Variants in CNTNAP2 observed in about 807,000 individuals in gnomAD.
CNTNAP2 encodes the protein contactin-associated protein-like 2.
Under a neutral mutation model 155.2 loss-of-function variants are expected in CNTNAP2, and 98 were observed. The ratio of observed to expected loss-of-function variants is 0.63; its 90% confidence interval spans 0.54 to 0.75. The LOEUF is 0.75. Ranked by LOEUF, CNTNAP2 falls within the 30% of genes least tolerant of loss-of-function variation. The probability of loss-of-function intolerance (pLI) is 0.00; values close to 1 mark genes in which losing one functional copy is unlikely to be tolerated. For missense variants in CNTNAP2, 1,727 were observed against 1,688.1 expected (o/e 1.02, Z -0.40); for synonymous variants, 651 against 631.2 (o/e 1.03, Z -0.47).
At chr7:148,115,067 G>A (rs1174761765) in intron 15 of CNTNAP2, among the ~76,000 whole-genome samples, 1 of 152,116 alleles carries the variant, frequency 6.6e-6, no homozygotes, top group Non-Finnish European at 1.5e-5. Flanking sequence ...CAGGATAGTG[G>A]GAAAAACCAT....
At chr7:146,427,482 T>C (rs2888335) in intron 1 of CNTNAP2, among the ~76,000 whole-genome samples, 59,017 of 152,050 alleles carry the variant, frequency 0.39, 13,059 homozygotes, top group African/African-American at 0.6. Context: ...TTATTCTTCT[T>C]TTGATTTTTC....
At chr7:148,067,315 C>A (rs1803285958) in intron 15 of CNTNAP2, among the ~76,000 whole-genome samples, 1 of 152,194 alleles carries the variant, frequency 6.6e-6, no homozygotes, top group African/African-American at 2.4e-5. Context: ...TGCTCTCCCC[C>A]TTTCCCTAGG....
At chr7:146,968,952 C>G (rs1423048689) in intron 3 of CNTNAP2, among the ~76,000 whole-genome samples, 1 of 147,746 alleles carries the variant, frequency 6.8e-6, no homozygotes, top group African/African-American at 2.6e-5. Context: ...GCATTTAGTG[C>G]TATAAATTTC....
At chr7:147,549,439 C>T (rs1799807999) in intron 11 of CNTNAP2, among the ~76,000 whole-genome samples, 1 of 152,084 alleles carries the variant, frequency 6.6e-6, no homozygotes, top group African/African-American at 2.4e-5. Flanking sequence ...GTGATTTTTG[C>T]ACATTGATTT....
intron 13 of CNTNAP2, among the ~76,000 whole-genome samples, chr7:147,687,286 A>C (rs1418396202): frequency 6.6e-6 from 1 of 152,152 alleles, no homozygotes; most frequent in East Asian, 1.9e-4. Flanking sequence ...TATAGTATAC[A>C]AATGGGTGCA....
chr7:147,571,510 A>T (rs1024474396), intron 12 of CNTNAP2, among the ~76,000 whole-genome samples: 3 of 151,848 alleles, frequency 2.0e-5, no homozygotes, highest in Admixed American at 6.6e-5. Context: ...TATCCCCAAC[A>T]TCTAGTTAAT....
At chr7:148,410,764 G>A (rs1488112782) in intron 23 of CNTNAP2, among the ~76,000 whole-genome samples, 12 of 152,028 alleles carry the variant, frequency 7.9e-5, no homozygotes, top group Admixed American at 5.2e-4. Flanking sequence ...AGAAAAACAC[G>A]TAACAGAGAT....
chr7:146,913,977 T>A (rs1796342287), intron 3 of CNTNAP2, among the ~76,000 whole-genome samples: 1 of 152,006 alleles, frequency 6.6e-6, no homozygotes, highest in Non-Finnish European at 1.5e-5. Context: ...ACAGCTTAGC[T>A]CCCACTTATG....
intron 12 of CNTNAP2, among the ~76,000 whole-genome samples, chr7:147,611,787 C>A (rs1801191326): frequency 6.6e-6 from 1 of 152,142 alleles, no homozygotes; most frequent in Non-Finnish European, 1.5e-5. Context: ...CTGATGCTAC[C>A]TGAACTGCAT....
At chr7:146,172,221 G>A (rs1329513820) in intron 1 of CNTNAP2, among the ~76,000 whole-genome samples, 1 of 151,858 alleles carries the variant, frequency 6.6e-6, no homozygotes, top group Non-Finnish European at 1.5e-5. Context: ...GCTCAAGGCT[G>A]GGATAGGATG....
chr7:147,698,127 C>T (rs1168946329), intron 13 of CNTNAP2, among the ~76,000 whole-genome samples: 2 of 152,016 alleles, frequency 1.3e-5, no homozygotes, highest in African/African-American at 4.8e-5. Flanking sequence ...CCAATGTTGC[C>T]CTGTGGTTTG....
chr7:148,384,149 A>G (rs1799136625), intron 22 of CNTNAP2, among the ~76,000 whole-genome samples: 1 of 152,238 alleles, frequency 6.6e-6, no homozygotes, highest in Non-Finnish European at 1.5e-5. Context: ...TGACTTGCCT[A>G]AACTGATGTC....
chr7:147,870,878 C>T (rs1799315758), intron 13 of CNTNAP2, among the ~76,000 whole-genome samples: 1 of 152,066 alleles, frequency 6.6e-6, no homozygotes, highest in Non-Finnish European at 1.5e-5. Flanking sequence ...CCTCCGTGGT[C>T]TGAGGATAGG....
intron 15 of CNTNAP2, among the ~76,000 whole-genome samples, chr7:148,087,056 C>T (rs994616680): frequency 6.6e-6 from 1 of 152,064 alleles, no homozygotes; most frequent in Non-Finnish European, 1.5e-5. Flanking sequence ...AGAATTTCCT[C>T]CTAGGAGATA....
chr7:147,290,670 G>A (rs1365400772), intron 8 of CNTNAP2, among the ~76,000 whole-genome samples: 1 of 125,244 alleles, frequency 8.0e-6, no homozygotes, highest in Non-Finnish European at 1.6e-5. Context: ...GTGACAGAGT[G>A]AGACTCCATC....
intron 21 of CNTNAP2, among the ~76,000 whole-genome samples, chr7:148,337,557 C>T (rs1394154911): frequency 6.6e-6 from 1 of 152,158 alleles, no homozygotes; most frequent in African/African-American, 2.4e-5. Context: ...CAGGCATTTC[C>T]CTCTGCTACT....
At chr7:147,316,046 T>G (rs1484520844) in intron 9 of CNTNAP2, among the ~76,000 whole-genome samples, 3 of 152,120 alleles carry the variant, frequency 2.0e-5, no homozygotes, top group Admixed American at 2.0e-4. Flanking sequence ...GGCTATTATA[T>G]ATAATGCTGA....
At chr7:146,170,765 C>A (rs899491333) in intron 1 of CNTNAP2, among the ~76,000 whole-genome samples, 1 of 152,030 alleles carries the variant, frequency 6.6e-6, no homozygotes, top group Non-Finnish European at 1.5e-5. Context: ...TGGTGGCTCA[C>A]ACCTGTAATC....
chr7:146,527,827 A>C (rs1316576752), intron 1 of CNTNAP2, among the ~76,000 whole-genome samples: 2 of 152,174 alleles, frequency 1.3e-5, no homozygotes, highest in African/African-American at 2.4e-5. Context: ...AAATCATTTA[A>C]AATTGAAATT....
Sources: gnomAD v4.1 joint callset for allele counts (sites outside exome capture counted in the v4.1 genomes callset) on GRCh38, gnomAD v4.1.1 for gene constraint, MANE v1.5 for transcripts, NCBI Gene and HGNC (gene_info 2026-07-23, HGNC 2026-07-21) for gene names.